The following BTBD7 variants were observed in gnomAD, a reference collection of about 807,000 sequenced individuals.
BTBD7 encodes BTB domain containing 7.
Under a neutral mutation model 99.9 loss-of-function variants are expected in BTBD7, and 38 were observed. That is an observed-to-expected ratio of 0.38 (90% CI 0.29 to 0.50). The LOEUF is 0.50. Among genes scored for constraint, BTBD7 ranks in the 20% least tolerant of loss-of-function variants. The pLI is 0.93. For missense variants in BTBD7, 1,170 were observed against 1,394.6 expected (o/e 0.84, Z 2.57); for synonymous variants, 520 against 511.4 (o/e 1.02, Z -0.23).
intron 1 of BTBD7, among the ~76,000 whole-genome samples, chr14:93,327,744 C>G (rs1297448376): frequency 6.6e-6 from 1 of 152,272 alleles, no homozygotes; most frequent in East Asian, 1.9e-4. Flanking sequence ...CTTTTACCAC[C>G]TCTAGTCGAC....
chr14:93,264,157 T>C (rs565137533), intron 3 of BTBD7, among the ~76,000 whole-genome samples, 164 bp from the exon 4 acceptor site: 4 of 152,104 alleles, frequency 2.6e-5, no homozygotes, highest in African/African-American at 9.7e-5. Flanking sequence ...GGGTAAACAA[T>C]AGACTATGGC....
Position 93,332,897 on chromosome 14 carries a change from C to A in BTBD7, c.-184G>T. 7.2e-7 allele frequency: 1 copy of A among 1,391,188 alleles called. No individual in the cohort carries two copies. The highest frequency in any genetic ancestry group is 9.5e-7 in the Non-Finnish European group (1 of 1,053,324). The allele number at this position is 1,391,188 out of a possible 1,614,324, so 86.2% of individuals were successfully genotyped here. ...TCCGCCGCCGCCGCCACCAGCACCG[C>A]CGTCCGCACCGGCGCCAGCACCCCC... On this transcript the variant is annotated 5_prime_UTR_variant, in exon 1 of 11. Coordinates refer to ENST00000334746, the MANE Select transcript of BTBD7 (RefSeq NM_001002860.4).
At chr14:93,248,236 C>T (rs1041060576) in intron 9 of BTBD7, among the ~76,000 whole-genome samples, 2 of 152,116 alleles carry the variant, frequency 1.3e-5, no homozygotes, top group Non-Finnish European at 2.9e-5. Context: ...CCAAGTTAAC[C>T]AACTAGTAAG....
intron 1 of BTBD7, among the ~76,000 whole-genome samples, chr14:93,316,602 A>C (rs1189887255): frequency 6.6e-6 from 1 of 152,148 alleles, no homozygotes; most frequent in Non-Finnish European, 1.5e-5. Flanking sequence ...TATAAGGTAA[A>C]CTATATAAGG....
In BTBD7 at chr14:93,247,092, T is replaced by C. The variant is rs553599696; in HGVS notation, c.2122-806A>G. On this transcript the variant is annotated intron_variant, in intron 9 of 10. Transcript: ENST00000334746. ...CCCAGGCTGGAGTGCAGTGGTGCAA[T>C]CATGGCTCACTGCAGCCCTGACCTT... is the stretch of plus-strand genomic sequence containing the variant. Among the ~76,000 whole-genome samples, 143 of 152,182 alleles carry C rather than the reference T, an allele frequency of 9.4e-4. 2 individuals carry two copies. Among genetic ancestry groups the C allele is most frequent in the Middle Eastern group, 3.4e-3 (1 of 294 alleles).
rs1447879317 is a variant in BTBD7, at chr14:93,332,811, G to A, written c.-107+9C>T. The A allele has an allele frequency of 2.7e-6, 4 of 1,477,014 alleles. No individual in the cohort carries two copies. The highest frequency in any genetic ancestry group is 3.0e-5 in the East Asian group (1 of 33,450). The allele number at this position is 1,477,014 out of a possible 1,614,324, so 91.5% of individuals were successfully genotyped here. A position where few individuals can be genotyped will look rare whatever the true frequency, so the allele number is the denominator to read the frequency against. On this transcript the variant is annotated intron_variant, in intron 1 of 10. Coordinates refer to ENST00000334746, the MANE Select transcript of BTBD7 (RefSeq NM_001002860.4). Reference sequence around the variant, plus strand: ...CTCCACAGCCTCAGAGACACCAAGGGACACTCACCCCGGAGGCTCCTCCCG... The same window carrying A: ...CTCCACAGCCTCAGAGACACCAAGGAACACTCACCCCGGAGGCTCCTCCCG...
At chr14:93,255,567 G>A (rs906780522) in intron 6 of BTBD7, 5 of 150,490 alleles carry the variant, frequency 3.3e-5, no homozygotes, top group African/African-American at 1.2e-4. Flanking sequence ...GGAGTGCAGT[G>A]ACACATTCTT....
chr14:93,291,075 C>T (rs1171328171), intron 3 of BTBD7, among the ~76,000 whole-genome samples: 3 of 146,912 alleles, frequency 2.0e-5, no homozygotes, highest in Non-Finnish European at 4.5e-5. Context: ...TCAAGTGATC[C>T]TCCTGCCTCA....
At chr14:93,275,514 T>C (rs1345451498) in intron 3 of BTBD7, among the ~76,000 whole-genome samples, 1 of 152,250 alleles carries the variant, frequency 6.6e-6, no homozygotes, top group Non-Finnish European at 1.5e-5. Context: ...TAACAGAGTG[T>C]AGTCTTAAAG....
intron 3 of BTBD7, among the ~76,000 whole-genome samples, chr14:93,282,699 T>C (rs553569046): frequency 2.0e-5 from 3 of 152,300 alleles, no homozygotes; most frequent in African/African-American, 7.2e-5. Context: ...AGGATATTTG[T>C]ACAATGCAGA....
chr14:93,243,693 G>A (rs1463600207), intron 10 of BTBD7, among the ~76,000 whole-genome samples: 2 of 152,028 alleles, frequency 1.3e-5, no homozygotes, highest in South Asian at 2.1e-4. Context: ...ATTATGTGAC[G>A]TTCTACTGCA....
chr14:93,275,512 T>A (rs2052644997), intron 3 of BTBD7, among the ~76,000 whole-genome samples: 3 of 152,168 alleles, frequency 2.0e-5, no homozygotes, highest in Admixed American at 2.0e-4. Flanking sequence ...CATAACAGAG[T>A]GTAGTCTTAA....
chr14:93,249,459 T>C (rs2052348293), intron 8 of BTBD7, among the ~76,000 whole-genome samples: 1 of 152,098 alleles, frequency 6.6e-6, no homozygotes, highest in Non-Finnish European at 1.5e-5. Context: ...GAATTTAAAT[T>C]GTACCCTGTG....
Position 93,330,554 on chromosome 14 carries a change from T to C in BTBD7, c.-107+2266A>G, listed in dbSNP as rs1450299776. ...CTCACTAGATTGTCTTCGAGACTCA[T>C]GTTGGTACACCTGATCTTTCCAATA... On this transcript the variant is annotated intron_variant, in intron 1 of 10. Coordinates refer to ENST00000334746, the MANE Select transcript of BTBD7 (RefSeq NM_001002860.4). 2.0e-5 allele frequency among the ~76,000 whole-genome samples: 3 copies of C among 152,352 alleles called. No homozygotes were observed. In the East Asian group the frequency reaches 5.8e-4, roughly 29 times the overall value.
At chr14:93,271,330 A>G (rs6575315) in intron 3 of BTBD7, among the ~76,000 whole-genome samples, 91,236 of 151,944 alleles carry the variant, frequency 0.6, 29,453 homozygotes, top group African/African-American at 0.86. Context: ...TATATAAACG[A>G]CTTCCAGATT....
chr14:93,283,740 T>C (rs1031586263), intron 3 of BTBD7, among the ~76,000 whole-genome samples: 1 of 152,086 alleles, frequency 6.6e-6, no homozygotes, highest in African/African-American at 2.4e-5. Context: ...TTAGTAGAGA[T>C]GGGGTTTCAC....
intron 1 of BTBD7, among the ~76,000 whole-genome samples, chr14:93,315,860 A>T (rs923799110): frequency 6.6e-6 from 1 of 151,978 alleles, no homozygotes; most frequent in Non-Finnish European, 1.5e-5. Context: ...CTTTTTGGTT[A>T]TTATGAATAA....
intron 5 of BTBD7, among the ~76,000 whole-genome samples, chr14:93,260,982 C>T (rs948252451): frequency 4.6e-5 from 7 of 152,144 alleles, no homozygotes; most frequent in Non-Finnish European, 8.8e-5. Context: ...CCTCTGCCTC[C>T]CAGGTTCAAG....
intron 3 of BTBD7, among the ~76,000 whole-genome samples, chr14:93,282,388 T>G (rs2052731236): frequency 1.3e-5 from 2 of 151,200 alleles, no homozygotes; most frequent in Admixed American, 1.3e-4. Context: ...TGGAGTGCAG[T>G]GGTGCGATTT....
Sources: allele counts gnomAD v4.1 joint callset (sites outside exome capture counted in the v4.1 genomes callset), GRCh38; gene constraint gnomAD v4.1.1; transcripts MANE v1.5; gene names NCBI Gene and HGNC (gene_info 2026-07-23, HGNC 2026-07-21).